Variants in ANKS1B observed in about 807,000 individuals in gnomAD.
ANKS1B encodes the protein ankyrin repeat and sterile alpha motif domain-containing protein 1B.
A neutral mutation model predicts 148.3 loss-of-function variants in ANKS1B; 36 were observed. The observed-to-expected ratio is 0.24, with a 90% CI of 0.19 to 0.32. The LOEUF (loss-of-function observed/expected upper bound fraction) is 0.32, where lower values mean the gene tolerates loss of function less well. Ranked by LOEUF, ANKS1B falls within the 10% of genes least tolerant of loss-of-function variation. The pLI is 1.00. For missense variants in ANKS1B, 1,157 were observed against 1,542.6 expected, an observed-to-expected ratio of 0.75 and a Z score of 4.19; for synonymous variants, 542 against 560.8, an observed-to-expected ratio of 0.97 and a Z score of 0.47.
At chr12:99,365,339 A>G (rs1220526733) in intron 12 of ANKS1B, among the ~76,000 whole-genome samples, 2 of 152,196 alleles carry the variant, frequency 1.3e-5, no homozygotes, top group Non-Finnish European at 2.9e-5. Flanking sequence ...CCAAGTACAT[A>G]TATCAGCACA....
intron 17 of ANKS1B, among the ~76,000 whole-genome samples, chr12:98,887,140 A>T (rs1294190527): frequency 2.0e-5 from 3 of 152,234 alleles, no homozygotes; most frequent in African/African-American, 7.2e-5. Context: ...AACACAGGCA[A>T]TATAAATTAG....
chr12:99,333,854 G>GT (rs10526476), intron 12 of ANKS1B, among the ~76,000 whole-genome samples: 6,835 of 107,420 alleles, frequency 0.064, 321 homozygotes, highest in East Asian at 0.12. Context: ...CCAGTTCTCA[G>GT]TTTTTTTTTT....
In ANKS1B at chr12:99,775,637, G is replaced by T. The variant is rs774808575; in HGVS notation, c.872C>A (p.Ser291Tyr). Residue 291 changes from serine (S) to tyrosine (Y), a missense_variant, in exon 7 of 27, where the codon TCT (serine) becomes TAT (tyrosine). Ser to Tyr is a moderately radical substitution (Grantham distance 144). This residue lies in a region of ANKS1B where 661 missense variants were observed against 642.1 expected (regional missense o/e 1.03). Transcript: ENST00000683438. ...CTGTACAGGCTCTTCGAGGACTGTA[G>T]ATCTTCCCACGCCTTCTAAATACTC... is the stretch of plus-strand genomic sequence containing the variant. ...LQEYLEGVGR[S>Y]TVLEEPVQED... 3 of 1,609,802 alleles carry T rather than the reference G, an allele frequency of 1.9e-6. No homozygotes were observed. The highest frequency in any genetic ancestry group is 2.5e-6 in the Non-Finnish European group (3 of 1,176,768).
rs148663206 is a variant in ANKS1B, at chr12:99,794,460, T to TACACACACACACACACACACAC, written c.669+11922_669+11943dup. ...AGATGAAAGGATAAAGAAAATGTGGTACACACACACACACACACACACACA... is the reference window on the plus strand; with the variant it reads ...AGATGAAAGGATAAAGAAAATGTGGTACACACACACACACACACACACACACACACACACACACACACACACA... On this transcript the variant is annotated intron_variant, in intron 4 of 26. Transcript: ENST00000683438. Among the ~76,000 whole-genome samples the TACACACACACACACACACACAC allele has an allele frequency of 7.9e-3, 1,130 of 143,592 alleles. 9 individuals are homozygous for TACACACACACACACACACACAC. Among genetic ancestry groups the TACACACACACACACACACACAC allele is most frequent in the South Asian group, 0.02 (88 of 4,350 alleles). The allele number at this position is 143,592 out of a possible 152,430, so 94.2% of individuals were successfully genotyped here. A position where few individuals can be genotyped will look rare whatever the true frequency, so the allele number is the denominator to read the frequency against.
At chr12:99,355,178 A>G (rs2091855621) in intron 12 of ANKS1B, among the ~76,000 whole-genome samples, 1 of 152,078 alleles carries the variant, frequency 6.6e-6, no homozygotes, top group Admixed American at 6.6e-5. Context: ...TTAAACCCAG[A>G]CAGTCTGTGA....
intron 1 of ANKS1B, among the ~76,000 whole-genome samples, chr12:99,886,911 T>C (rs1028343501): frequency 2.0e-5 from 3 of 152,204 alleles, no homozygotes; most frequent in Admixed American, 2.0e-4. Flanking sequence ...GAGCATGACT[T>C]ATAGATTACC....
At chr12:99,764,680 C>T (rs561374389) in intron 8 of ANKS1B, among the ~76,000 whole-genome samples, 58 of 152,276 alleles carry the variant, frequency 3.8e-4, no homozygotes, top group Non-Finnish European at 5.9e-4. Context: ...GTCTCAGCCT[C>T]CCAAAGTGCT....
chr12:99,962,411 C>T (rs1429697622), intron 1 of ANKS1B, among the ~76,000 whole-genome samples: 1 of 152,154 alleles, frequency 6.6e-6, no homozygotes, highest in East Asian at 1.9e-4. Context: ...TATAGTATTC[C>T]ATGGTGCATA....
intron 17 of ANKS1B, among the ~76,000 whole-genome samples, chr12:98,971,472 A>G (rs1019273718): frequency 6.6e-6 from 1 of 152,224 alleles, no homozygotes; most frequent in Non-Finnish European, 1.5e-5. Flanking sequence ...GTTTGTCATT[A>G]TGATTAAAAA....
intron 14 of ANKS1B, among the ~76,000 whole-genome samples, chr12:99,155,452 G>T (rs2075915949): frequency 6.6e-6 from 1 of 152,186 alleles, no homozygotes; most frequent in African/African-American, 2.4e-5. Flanking sequence ...TTAGGCACAA[G>T]AAATCCTTTT....
chr12:99,140,876 A>G (rs921996162), intron 15 of ANKS1B, among the ~76,000 whole-genome samples: 1 of 152,092 alleles, frequency 6.6e-6, no homozygotes, highest in Admixed American at 6.6e-5. Flanking sequence ...ACTTTTTAAT[A>G]TCTTCTCTAT....
At chr12:99,917,559 T>C (rs2094209779) in intron 1 of ANKS1B, among the ~76,000 whole-genome samples, 1 of 152,238 alleles carries the variant, frequency 6.6e-6, no homozygotes. Context: ...GCAGGTTGAT[T>C]ACATCAAATT....
chr12:99,840,163 A>T (rs1268387338), intron 1 of ANKS1B, among the ~76,000 whole-genome samples: 1 of 152,166 alleles, frequency 6.6e-6, no homozygotes, highest in African/African-American at 2.4e-5. Context: ...GAAAGGCAAG[A>T]GGAACAGAGT....
At chr12:99,552,548 CT>C (rs1161511970) in intron 9 of ANKS1B, among the ~76,000 whole-genome samples, 2 of 152,150 alleles carry the variant, frequency 1.3e-5, no homozygotes, top group Non-Finnish European at 2.9e-5. Flanking sequence ...ACATGGCATC[CT>C]GCCACATTGC....
rs376604075 is a variant in ANKS1B at position 99,724,327 on chromosome 12, G to C, written c.1128+48595C>G. ...GGAACATAAATAACCTGATGGAGCT[G>C]AAAAACACAGCGGAAGAACTTCGTG... is the stretch of plus-strand genomic sequence containing the variant. On this transcript the variant is annotated intron_variant, in intron 8 of 26. Coordinates refer to ENST00000683438, the MANE Select transcript of ANKS1B (RefSeq NM_001352186.2). Among the ~76,000 whole-genome samples the C allele has an allele frequency of 3.3e-5, 5 of 152,194 alleles. No homozygotes were observed. In the East Asian group the frequency reaches 5.8e-4, roughly 18 times the overall value.
chr12:99,276,529 G>T lies in ANKS1B; in HGVS notation c.1757-29665C>A, dbSNP rs151057138. On this transcript the variant is annotated intron_variant, in intron 12 of 26. Coordinates refer to ENST00000683438, the MANE Select transcript of ANKS1B (RefSeq NM_001352186.2). ...CCATGTGAGGAGGAAGCAAGAGGGT[G>T]AGCATCTCTCTCACCTATAAGGAGA... 4.6e-5 allele frequency among the ~76,000 whole-genome samples: 7 copies of T among 152,256 alleles called. No individual in the cohort carries two copies. The East Asian group carries it at 5.8e-4, about 13-fold the overall frequency.
chr12:99,870,945 A>G (rs751600871), intron 1 of ANKS1B, among the ~76,000 whole-genome samples: 1 of 152,022 alleles, frequency 6.6e-6, no homozygotes, highest in African/African-American at 2.4e-5. Flanking sequence ...CCTACTCGTC[A>G]ATTTTTATTT....
intron 14 of ANKS1B, among the ~76,000 whole-genome samples, chr12:99,231,869 G>C (rs946620372): frequency 6.6e-6 from 1 of 152,088 alleles, no homozygotes; most frequent in Non-Finnish European, 1.5e-5. Flanking sequence ...TCTTTTAGGA[G>C]AAAGGGACAT....
chr12:99,958,271 T>C (rs542789726), intron 1 of ANKS1B, among the ~76,000 whole-genome samples: 30 of 152,138 alleles, frequency 2.0e-4, no homozygotes, highest in African/African-American at 6.3e-4. Flanking sequence ...TACAAAGAAC[T>C]GGTGAAAAAA....
Sources: gnomAD v4.1 joint callset for allele counts (sites outside exome capture counted in the v4.1 genomes callset) on GRCh38, gnomAD v4.1.1 for gene constraint, gnomAD v4.1.1 regional missense constraint, MANE v1.5 for transcripts, NCBI Gene and HGNC (gene_info 2026-07-23, HGNC 2026-07-21) for gene names.